Variants in KIAA1217 observed in about 807,000 individuals in gnomAD.
KIAA1217 encodes the protein KIAA1217.
KIAA1217 carries 88 observed loss-of-function variants against 163.9 expected under a neutral mutation model. The observed-to-expected ratio is 0.54, with a 90% CI of 0.45 to 0.64. KIAA1217 has a LOEUF of 0.64. Ranked by LOEUF, KIAA1217 falls within the 30% of genes least tolerant of loss-of-function variation. The pLI, the probability that KIAA1217 is intolerant of heterozygous loss-of-function variation, is 0.00. For missense variants in KIAA1217, 2,372 were observed against 2,475.0 expected, an observed-to-expected ratio of 0.96 and a Z score of 0.88; for synonymous variants, 903 against 923.1, an observed-to-expected ratio of 0.98 and a Z score of 0.39.
chr10:24,350,363 G>T (rs995155794), intron 2 of KIAA1217, among the ~76,000 whole-genome samples: 1 of 152,160 alleles, frequency 6.6e-6, no homozygotes, highest in Admixed American at 6.5e-5. Context: ...AGGCAGTCTG[G>T]TTTAGATCGT....
chr10:24,182,054 C>T (rs1402103240), intron 2 of KIAA1217, among the ~76,000 whole-genome samples: 2 of 152,174 alleles, frequency 1.3e-5, no homozygotes, highest in Non-Finnish European at 2.9e-5. Context: ...GTTTATCTAC[C>T]AAAAGGGTCC....
chr10:23,782,378 A>G (rs1248227815), intron 1 of KIAA1217, among the ~76,000 whole-genome samples: 2 of 152,126 alleles, frequency 1.3e-5, no homozygotes, highest in African/African-American at 4.8e-5. Context: ...TTACTGGTGT[A>G]AAAAAATACA....
chr10:24,141,232 C>CCA (rs962742652), intron 2 of KIAA1217, among the ~76,000 whole-genome samples: 1 of 124,068 alleles, frequency 8.1e-6, no homozygotes, highest in Non-Finnish European at 1.7e-5. Context: ...TAAACCCCCC[C>CCA]CCCCCATTTC....
chr10:24,302,847 C>T (rs534083588), intron 2 of KIAA1217, among the ~76,000 whole-genome samples: 15 of 152,108 alleles, frequency 9.9e-5, no homozygotes, highest in African/African-American at 3.1e-4. Context: ...GAGGAAACAA[C>T]ACAAGTTAGA....
intron 2 of KIAA1217, among the ~76,000 whole-genome samples, chr10:24,164,240 TCC>T (rs2065242543): frequency 6.6e-6 from 1 of 152,160 alleles, no homozygotes; most frequent in African/African-American, 2.4e-5. Context: ...TGAACAGGCT[TCC>T]GCCCCAGGAC....
intron 3 of KIAA1217, among the ~76,000 whole-genome samples, chr10:24,385,696 G>A (rs554451701): frequency 2.6e-5 from 4 of 152,238 alleles, no homozygotes; most frequent in Admixed American, 2.6e-4. Flanking sequence ...CTCATCCAGA[G>A]CCCAGCTGAA....
chr10:24,496,187 C>A (rs1226452906), intron 8 of KIAA1217, among the ~76,000 whole-genome samples: 1 of 152,196 alleles, frequency 6.6e-6, no homozygotes, highest in Non-Finnish European at 1.5e-5. Flanking sequence ...CTCTGTTGGT[C>A]GTGGTTCTTC....
intron 1 of KIAA1217, among the ~76,000 whole-genome samples, chr10:23,868,279 G>A (rs535991205): frequency 5.3e-5 from 8 of 152,120 alleles, no homozygotes; most frequent in Admixed American, 2.0e-4. Flanking sequence ...CCAGATGTAC[G>A]GTTACTCAGT....
chr10:23,879,013 TA>T (rs1199159026), intron 1 of KIAA1217, among the ~76,000 whole-genome samples: 2 of 151,946 alleles, frequency 1.3e-5, no homozygotes, highest in African/African-American at 2.4e-5. Context: ...TTGAAGTATT[TA>T]TTAGACATCC....
chr10:24,076,642 A>G (rs1489199972), intron 2 of KIAA1217, among the ~76,000 whole-genome samples: 1 of 152,134 alleles, frequency 6.6e-6, no homozygotes, highest in Non-Finnish European at 1.5e-5. Flanking sequence ...AGGGTCTCAA[A>G]AATGCCAGAG....
intron 1 of KIAA1217, among the ~76,000 whole-genome samples, chr10:23,812,443 G>A (rs1837111494): frequency 6.6e-6 from 1 of 152,096 alleles, no homozygotes; most frequent in Non-Finnish European, 1.5e-5. Flanking sequence ...TAGGAGCTTG[G>A]AATAGGGTTA....
At chr10:24,074,056 A>T (rs2061282942) in intron 2 of KIAA1217, among the ~76,000 whole-genome samples, 1 of 152,130 alleles carries the variant, frequency 6.6e-6, no homozygotes. Flanking sequence ...CTTAAAAAAA[A>T]AATTAGGCCA....
chr10:24,170,819 GTA>G (rs1264746340), intron 2 of KIAA1217, among the ~76,000 whole-genome samples: 2 of 152,198 alleles, frequency 1.3e-5, no homozygotes, highest in Non-Finnish European at 2.9e-5. Context: ...ATAGTAGTGT[GTA>G]GCTGTGAGAT....
intron 1 of KIAA1217, among the ~76,000 whole-genome samples, chr10:23,819,721 T>C (rs1837530798): frequency 6.6e-6 from 1 of 152,210 alleles, no homozygotes; most frequent in African/African-American, 2.4e-5. Context: ...GCAATTTGTC[T>C]TGGTGATTTG....
Position 23,784,290 on chromosome 10 carries a change from A to G in KIAA1217, c.-321+89056A>G, listed in dbSNP as rs567183300. Among the ~76,000 whole-genome samples, 12 of 152,096 alleles carry G rather than the reference A, an allele frequency of 7.9e-5. No homozygotes were observed. In the South Asian group the frequency reaches 1.5e-3, roughly 18 times the overall value. On this transcript the variant is annotated intron_variant, in intron 1 of 18. Transcript: ENST00000376462. ...TTGCATGGAATATTTTTTGTTAGGA[A>G]TTTTTTTTAATACCTTCACTTTCAA...
intron 1 of KIAA1217, among the ~76,000 whole-genome samples, chr10:23,852,556 C>T (rs369434841): frequency 4.6e-5 from 7 of 152,188 alleles, no homozygotes; most frequent in South Asian, 2.1e-4. Context: ...GTGAAGAAAG[C>T]CATTGGTAGC....
intron 19 of KIAA1217, 22 bp from the exon 20 acceptor site, chr10:24,544,959 C>G: frequency 6.2e-7 from 1 of 1,610,206 alleles, no homozygotes; most frequent in Non-Finnish European, 8.5e-7. Context: ...TCTCTTCCCC[C>G]TCTCACTGGT....
At chr10:24,188,468 T>C (rs7912142) in intron 2 of KIAA1217, among the ~76,000 whole-genome samples, 6,145 of 152,260 alleles carry the variant, frequency 0.04, 413 homozygotes, top group African/African-American at 0.13. Flanking sequence ...TATCCAGCTT[T>C]GAACCTCTAG....
At chr10:23,874,617 A>G (rs1174133064) in intron 1 of KIAA1217, among the ~76,000 whole-genome samples, 2 of 151,964 alleles carry the variant, frequency 1.3e-5, no homozygotes, top group Non-Finnish European at 2.9e-5. Flanking sequence ...CATATATATA[A>G]TCATTTGGAG....
Sources: allele counts gnomAD v4.1 joint callset (sites outside exome capture counted in the v4.1 genomes callset), GRCh38; gene constraint gnomAD v4.1.1; transcripts MANE v1.5; gene names NCBI Gene and HGNC (gene_info 2026-07-23, HGNC 2026-07-21).